The following DOCK7 variants were observed in gnomAD, a reference collection of about 807,000 sequenced individuals.
DOCK7 encodes dedicator of cytokinesis protein 7.
Under a neutral mutation model 271.0 loss-of-function variants are expected in DOCK7, and 138 were observed. The ratio of observed to expected loss-of-function variants is 0.51; its 90% CI spans 0.44 to 0.59. The LOEUF is 0.59. DOCK7 is among the 20% of genes least tolerant of loss of function. The pLI is 0.00. For synonymous variants in DOCK7, 823 were observed against 876.1 expected, an observed-to-expected ratio of 0.94 and a Z score of 1.07; for missense variants, 2,066 against 2,592.4, an observed-to-expected ratio of 0.80 and a Z score of 4.41.
Position 62,653,761 on chromosome 1 carries a change from C to T in DOCK7, c.353G>A (p.Arg118Lys). 1.3e-6 allele frequency: 2 copies of T among 1,594,334 alleles called. No individual in the cohort carries two copies. Among genetic ancestry groups the T allele is most frequent in the Non-Finnish European group, 1.7e-6 (2 of 1,163,304 alleles). ...EMDPHVRDCI[R>K]SYTEDWAIVI... ...AATTGCCCAGTCTTCTGTATAACTT[C>T]TTATACAGTCTCTAACATGTGGATC... The change falls in exon 4 of 50, where the codon AGA (arginine) becomes AAA (lysine). Residue 118 changes from arginine to lysine, a missense_variant. By Grantham distance (26) the Arg-to-Lys change is conservative. Transcript: ENST00000635253.
intron 23 of DOCK7, 75 bp downstream of exon 23, chr1:62,544,872 T>C (rs986693487): frequency 3.2e-5 from 37 of 1,151,078 alleles, no homozygotes; most frequent in Middle Eastern, 2.0e-4. Context: ...ACTGAAATCA[T>C]AGTATATACT....
intron 14 of DOCK7, among the ~76,000 whole-genome samples, chr1:62,613,123 C>G (rs193204271): frequency 6.6e-6 from 1 of 152,202 alleles, no homozygotes; most frequent in Non-Finnish European, 1.5e-5. Context: ...TTTCAAATAT[C>G]CAATAAAAGA....
chr1:62,504,416 T>C (rs548380329), intron 37 of DOCK7, among the ~76,000 whole-genome samples: 4 of 152,204 alleles, frequency 2.6e-5, no homozygotes, highest in African/African-American at 9.6e-5. Flanking sequence ...TGTATTAATA[T>C]ACATACATAC....
intron 31 of DOCK7, among the ~76,000 whole-genome samples, chr1:62,524,183 A>C (rs2149361216): frequency 6.6e-6 from 1 of 152,286 alleles, no homozygotes; most frequent in Admixed American, 6.5e-5. Flanking sequence ...ACTATAAATG[A>C]CCAGATTGGC....
At position 62,688,270 on chromosome 1, in the gene DOCK7, C is replaced by CTG; in HGVS notation, c.-8_-7dup. 2 of 1,307,148 alleles carry CTG rather than the reference C, an allele frequency of 1.5e-6. No individual in the cohort carries two copies. Among genetic ancestry groups the CTG allele is most frequent in the Non-Finnish European group, 9.8e-7 (1 of 1,018,676 alleles). The allele number at this position is 1,307,148 out of a possible 1,614,324, so 81.0% of individuals were successfully genotyped here. A position where few individuals can be genotyped will look rare whatever the true frequency, so the allele number is the denominator to read the frequency against. ...AAGGCGCGGCGCTCGGCCATGGCTG[C>CTG]TGCGGCGACGGCGACGGCGGCGGCG... is the stretch of plus-strand genomic sequence containing the variant. On this transcript the variant is annotated 5_prime_UTR_variant, in exon 1 of 50. Coordinates refer to ENST00000635253, the MANE Select transcript of DOCK7 (RefSeq NM_001367561.1).
intron 40 of DOCK7, 32 bp downstream of exon 40, chr1:62,494,243 C>T (rs951764574): frequency 4.6e-6 from 7 of 1,521,296 alleles, no homozygotes; most frequent in African/African-American, 4.1e-5. Flanking sequence ...AAAGATATAC[C>T]TTGATTTAAT....
intron 1 of DOCK7, among the ~76,000 whole-genome samples, chr1:62,670,273 G>C (rs1056419907): frequency 1.3e-5 from 2 of 152,246 alleles, no homozygotes; most frequent in Non-Finnish European, 2.9e-5. Flanking sequence ...TGAGGAATGC[G>C]AGCGCACGGC....
At chr1:62,683,349 TA>T (rs1661380770) in intron 1 of DOCK7, among the ~76,000 whole-genome samples, 1 of 152,122 alleles carries the variant, frequency 6.6e-6, no homozygotes, top group Non-Finnish European at 1.5e-5. Flanking sequence ...GTAGATTCTG[TA>T]GATTGAAAGA....
chr1:62,520,677 T>C lies in DOCK7; in HGVS notation c.3937-6779A>G, dbSNP rs188187834. On this transcript the variant is annotated intron_variant, in intron 31 of 49. Transcript: ENST00000635253. Reference sequence around the variant, plus strand: ...GTGGGAGTGTAAATTAGTTCAACCATTGTGGAAGACAGTGTGCTGATTCCT... The same window carrying C: ...GTGGGAGTGTAAATTAGTTCAACCACTGTGGAAGACAGTGTGCTGATTCCT... Among the ~76,000 whole-genome samples the C allele has an allele frequency of 1.8e-3, 278 of 152,300 alleles. 3 individuals are homozygous for C. Among genetic ancestry groups the C allele is most frequent in the African/African-American group, 6.4e-3 (264 of 41,550 alleles).
intron 37 of DOCK7, among the ~76,000 whole-genome samples, chr1:62,503,908 G>T: frequency 6.6e-6 from 1 of 152,106 alleles, no homozygotes; most frequent in East Asian, 2.0e-4. Context: ...TTAGCTGGGC[G>T]TGGTGGCGGG....
chr1:62,496,398 T>C lies in DOCK7; in HGVS notation c.4864A>G (p.Thr1622Ala). 1 of 1,613,676 alleles carries C rather than the reference T, an allele frequency of 6.2e-7. No homozygotes were observed. Among genetic ancestry groups the C allele is most frequent in the Non-Finnish European group, 8.5e-7 (1 of 1,179,722 alleles). Residue 1622 changes from threonine (T) to alanine (A), a missense_variant, in exon 38 of 50, where the codon ACT becomes GCT. Thr to Ala is a moderately conservative substitution (Grantham distance 58). This residue lies in a region of DOCK7 where 652 missense variants were observed against 922.1 expected (regional missense o/e 0.71). Coordinates refer to ENST00000635253, the MANE Select transcript of DOCK7 (RefSeq NM_001367561.1). ...TCTTCTTCAGCATATGTCAATATAG[T>C]CTTTAGAGAACGTCTTAAGAATTCT... Reference protein sequence around the residue: ...NEEFLRRSLKTILTYAEEDLE... With the variant: ...NEEFLRRSLKAILTYAEEDLE...
At chr1:62,537,758 T>C in intron 28 of DOCK7, 133 bp downstream of exon 28, 2 of 783,384 alleles carry the variant, frequency 2.6e-6, no homozygotes, top group East Asian at 2.7e-5. Flanking sequence ...AAATGACTTT[T>C]AATACTTACA....
intron 19 of DOCK7, among the ~76,000 whole-genome samples, chr1:62,559,451 T>TA (rs1646251421): frequency 6.6e-6 from 1 of 152,094 alleles, no homozygotes; most frequent in Non-Finnish European, 1.5e-5. Context: ...TAAGATTTTT[T>TA]TTTTTTAGTT....
At chr1:62,543,552 C>A in intron 24 of DOCK7, 104 bp downstream of exon 24, 1 of 764,018 alleles carries the variant, frequency 1.3e-6, no homozygotes, top group Non-Finnish European at 2.1e-6. Flanking sequence ...AAGCACAATG[C>A]AATTACTGTA....
chr1:62,594,116 C>A (rs907208511), intron 14 of DOCK7, among the ~76,000 whole-genome samples: 8 of 151,922 alleles, frequency 5.3e-5, no homozygotes, highest in Non-Finnish European at 7.4e-5. Context: ...TTTTCCTTGG[C>A]ATAAAATTTT....
At chr1:62,584,639 T>C in intron 15 of DOCK7, 1 of 1,323,390 alleles carries the variant, frequency 7.6e-7, no homozygotes, top group Non-Finnish European at 9.7e-7. Flanking sequence ...CATGTACTTT[T>C]AATCATTTAG....
intron 31 of DOCK7, among the ~76,000 whole-genome samples, chr1:62,523,934 T>C (rs534599289): frequency 5.3e-5 from 8 of 152,198 alleles, no homozygotes; most frequent in African/African-American, 1.7e-4. Context: ...AATTCACCAT[T>C]AAATGGGTAA....
chr1:62,628,231 G>C (rs974671717), intron 11 of DOCK7: 1 of 152,294 alleles, frequency 6.6e-6, no homozygotes, highest in Non-Finnish European at 1.5e-5. Flanking sequence ...AGGAGGCAGA[G>C]CTCAGGCGAT....
At chr1:62,556,284 A>G in intron 20 of DOCK7, among the ~76,000 whole-genome samples, 1 of 152,162 alleles carries the variant, frequency 6.6e-6, no homozygotes, top group Non-Finnish European at 1.5e-5. Context: ...TAGTAAAACA[A>G]TACAAAGTAC....
Sources: allele counts gnomAD v4.1 joint callset (sites outside exome capture counted in the v4.1 genomes callset), GRCh38; gene constraint gnomAD v4.1.1; regional missense constraint gnomAD v4.1.1; transcripts MANE v1.5; gene names NCBI Gene and HGNC (gene_info 2026-07-23, HGNC 2026-07-21).